NNT: variants seen among roughly 807,000 people sequenced by gnomAD.
NNT encodes the protein nicotinamide nucleotide transhydrogenase, also known as NAD(P) transhydrogenase, mitochondrial.
NNT carries 50 observed loss-of-function variants against 104.8 expected under a neutral mutation model. The ratio of observed to expected loss-of-function variants is 0.48; its 90% CI spans 0.38 to 0.60. The LOEUF (loss-of-function observed/expected upper bound fraction) is 0.60. NNT is among the 20% of genes least tolerant of loss of function. The pLI is 0.00. For synonymous variants in NNT, 461 were observed against 490.4 expected, an observed-to-expected ratio of 0.94 and a Z score of 0.79; for missense variants, 1,131 against 1,330.7, an observed-to-expected ratio of 0.85 and a Z score of 2.33.
At chr5:43,634,372 T>A (rs1750829948) in intron 7 of NNT, among the ~76,000 whole-genome samples, 1 of 152,090 alleles carries the variant, frequency 6.6e-6, no homozygotes, top group South Asian at 2.1e-4. Context: ...GATACAAGAA[T>A]AACTATACTC....
At chr5:43,636,274 C>T (rs926810912) in intron 7 of NNT, among the ~76,000 whole-genome samples, 2 of 152,166 alleles carry the variant, frequency 1.3e-5, no homozygotes, top group East Asian at 1.9e-4. Flanking sequence ...GGACACAAAT[C>T]TTACTGACTT....
At chr5:43,615,800 T>C (rs775974985) in intron 3 of NNT, 48 bp from the exon 4 acceptor site, 36 of 1,380,950 alleles carry the variant, frequency 2.6e-5, no homozygotes, top group Non-Finnish European at 3.3e-5. Flanking sequence ...CTTAAAAATA[T>C]GATTAAAGTA....
intron 15 of NNT, 148 bp downstream of exon 15, chr5:43,656,221 C>T (rs909968716): frequency 2.9e-6 from 2 of 679,426 alleles, no homozygotes; most frequent in Non-Finnish European, 2.5e-6. Context: ...GTGGGAGGCT[C>T]TCAAGCCCAG....
intron 19 of NNT, among the ~76,000 whole-genome samples, chr5:43,691,768 A>C (rs1415504036): frequency 6.6e-6 from 1 of 152,178 alleles, no homozygotes; most frequent in Non-Finnish European, 1.5e-5. Context: ...TTTGGAAATG[A>C]TTTTCTTCCA....
At chr5:43,643,938 C>T (rs1264354875) in intron 7 of NNT, among the ~76,000 whole-genome samples, 1 of 152,168 alleles carries the variant, frequency 6.6e-6, no homozygotes, top group Non-Finnish European at 1.5e-5. Context: ...CTGAGATTCT[C>T]ATGCTGAGCA....
At chr5:43,685,843 T>C (rs1227169407) in intron 19 of NNT, among the ~76,000 whole-genome samples, 4 of 152,142 alleles carry the variant, frequency 2.6e-5, no homozygotes, top group Admixed American at 6.5e-5. Context: ...GAAACTTCTG[T>C]TGTTGTGTCC....
In NNT at chr5:43,651,619, T is replaced by C. The variant is rs559775993; in HGVS notation, c.1718-120T>C. On this transcript the variant is annotated intron_variant, in intron 12 of 21. Coordinates refer to ENST00000344920, the MANE Select transcript of NNT (RefSeq NM_182977.3). The stretch of plus-strand genomic sequence containing the variant: ...GGTTGCAAAATGTTACTTTAAATTA[T>C]ATTTGTTCCTAGGTGATAAAGATGT... The C allele has an allele frequency of 3.2e-5, 35 of 1,082,662 alleles. No homozygotes were observed. In the African/African-American group the frequency reaches 4.9e-4, roughly 15 times the overall value. The allele number at this position is 1,082,662 out of a possible 1,614,324, so 67.1% of individuals were successfully genotyped here. A position where few individuals can be genotyped will look rare whatever the true frequency, so the allele number is the denominator to read the frequency against.
chr5:43,670,953 GA>G (rs1385991929), intron 17 of NNT, among the ~76,000 whole-genome samples: 1 of 152,188 alleles, frequency 6.6e-6, no homozygotes, highest in Non-Finnish European at 1.5e-5. Context: ...CTTGCTTTAT[GA>G]ATCCGGGTGC....
intron 3 of NNT, among the ~76,000 whole-genome samples, chr5:43,613,905 A>G (rs766824650): frequency 1.8e-4 from 28 of 152,164 alleles, no homozygotes; most frequent in Non-Finnish European, 3.8e-4. Flanking sequence ...ATTTCCTTAC[A>G]TAAAGCCCAC....
intron 12 of NNT, 96 bp from the exon 13 acceptor site, chr5:43,651,643 G>T (rs1409970690): frequency 7.8e-7 from 1 of 1,288,838 alleles, no homozygotes. Context: ...TGATAAAGAT[G>T]TGCTTAAAAC....
intron 19 of NNT, among the ~76,000 whole-genome samples, chr5:43,679,633 A>G (rs1341652008): frequency 6.6e-6 from 1 of 152,236 alleles, no homozygotes; most frequent in Non-Finnish European, 1.5e-5. Flanking sequence ...TGATCTGATT[A>G]AAATTAGAAT....
At chr5:43,669,218 A>G (rs1334588813) in intron 17 of NNT, among the ~76,000 whole-genome samples, 24 of 152,228 alleles carry the variant, frequency 1.6e-4, no homozygotes, top group African/African-American at 5.5e-4. Context: ...CAATCATGTC[A>G]TCTGCAAACA....
intron 17 of NNT, among the ~76,000 whole-genome samples, 195 bp from the exon 18 acceptor site, chr5:43,675,316 G>A (rs1561313630): frequency 6.6e-6 from 1 of 152,012 alleles, no homozygotes; most frequent in Non-Finnish European, 1.5e-5. Flanking sequence ...AAGATAATGT[G>A]GTTCTCAGAT....
chr5:43,609,420 A>C (rs1749392447), intron 2 of NNT, 74 bp downstream of exon 2: 5 of 1,465,856 alleles, frequency 3.4e-6, no homozygotes, highest in Admixed American at 3.9e-5. Context: ...GATTGATAAA[A>C]GGAAAAGCCA....
intron 6 of NNT, among the ~76,000 whole-genome samples, 186 bp from the exon 7 acceptor site, chr5:43,628,014 A>G (rs902812807): frequency 3.3e-5 from 5 of 152,226 alleles, no homozygotes; most frequent in Non-Finnish European, 5.9e-5. Flanking sequence ...TTCAGAAAAG[A>G]ATATTCTCAT....
At chr5:43,607,995 A>G (rs1159612397) in intron 1 of NNT, among the ~76,000 whole-genome samples, 1 of 151,890 alleles carries the variant, frequency 6.6e-6, no homozygotes, top group Non-Finnish European at 1.5e-5. Context: ...CAGTGGTGCA[A>G]TCTTGGCTCA....
chr5:43,610,444 T>C (rs1749445214), intron 2 of NNT, among the ~76,000 whole-genome samples: 1 of 152,186 alleles, frequency 6.6e-6, no homozygotes, highest in Admixed American at 6.5e-5. Flanking sequence ...ACATTTTGTC[T>C]TTTATTCTAG....
chr5:43,605,485 C>T (rs917061749), intron 1 of NNT, among the ~76,000 whole-genome samples: 6 of 130,500 alleles, frequency 4.6e-5, no homozygotes, highest in Admixed American at 1.7e-4. Flanking sequence ...CACTGCAGTC[C>T]GCAGTCCGGC....
At chr5:43,650,303 C>T (rs1362546869) in intron 11 of NNT, among the ~76,000 whole-genome samples, 174 bp from the exon 12 acceptor site, 1 of 152,202 alleles carries the variant, frequency 6.6e-6, no homozygotes, top group Non-Finnish European at 1.5e-5. Context: ...TGTCAACAGT[C>T]TGCATAAGCA....
Sources: gnomAD v4.1 joint callset for allele counts (sites outside exome capture counted in the v4.1 genomes callset) on GRCh38, gnomAD v4.1.1 for gene constraint, MANE v1.5 for transcripts, NCBI Gene and HGNC (gene_info 2026-07-23, HGNC 2026-07-21) for gene names.